The following BBS7 variants were observed in gnomAD, a reference collection of about 807,000 sequenced individuals.
BBS7 encodes BBSome complex member BBS7.
In BBS7, 50 loss-of-function variants were observed where a neutral mutation model predicts 90.3. That is an observed-to-expected ratio of 0.55 (90% CI 0.44 to 0.70). The LOEUF (loss-of-function observed/expected upper bound fraction) is 0.70. BBS7 is among the 30% of genes least tolerant of loss of function. BBS7 has a pLI of 0.00. For missense variants in BBS7, 729 were observed against 838.9 expected (o/e 0.87, Z 1.62); for synonymous variants, 235 against 287.4 (o/e 0.82, Z 1.85).
rs530476718 is a variant in BBS7, at chr4:121,844,841, A to T, written c.1230+663T>A. Among the ~76,000 whole-genome samples, 31 of 152,272 alleles carry T rather than the reference A, an allele frequency of 2.0e-4. No homozygotes were observed. In the East Asian group the frequency reaches 6.0e-3, roughly 29 times the overall value. On this transcript the variant is annotated intron_variant, in intron 11 of 18. Transcript: ENST00000264499. ...ACTTTAATGTTTGGGGCTTTAAAAA[A>T]AAATGTTCTAGCAAGGGCATTAAAT...
At chr4:121,868,689 A>G (rs1727419417) in intron 1 of BBS7, among the ~76,000 whole-genome samples, 1 of 73,424 alleles carries the variant, frequency 1.4e-5, no homozygotes, top group African/African-American at 4.1e-5. Context: ...TGTTTCAAAA[A>G]AAAAAAAAAA....
chr4:121,846,036 A>AT (rs1725996814), intron 10 of BBS7, among the ~76,000 whole-genome samples: 1 of 152,234 alleles, frequency 6.6e-6, no homozygotes, highest in Middle Eastern at 3.2e-3. Flanking sequence ...TCTTATACTA[A>AT]TGAGAAGAGA....
intron 8 of BBS7, among the ~76,000 whole-genome samples, chr4:121,852,682 G>A (rs1457862358): frequency 6.6e-6 from 1 of 151,778 alleles, no homozygotes; most frequent in Non-Finnish European, 1.5e-5. Flanking sequence ...GTCATTATAT[G>A]TTATAAACTA....
intron 15 of BBS7, among the ~76,000 whole-genome samples, chr4:121,831,066 G>A (rs926499567): frequency 3.3e-5 from 5 of 152,076 alleles, no homozygotes; most frequent in Non-Finnish European, 5.9e-5. Flanking sequence ...TTAGCTGGGC[G>A]TGGTGGCACA....
In BBS7 at chr4:121,852,991, C is replaced by T. The variant is rs1348810042; in HGVS notation, c.814G>A (p.Asp272Asn). Reference protein sequence around the residue: ...DDGMVEVYSFDNANEPVLRFD... With the variant: ...DDGMVEVYSFNNANEPVLRFD... ...CGTAGAACAGGTTCATTTGCATTAT[C>T]AAAACTATACACTTCCACCATTCCG... Residue 272 changes from aspartate to asparagine, a missense_variant, in exon 8 of 19, where the codon GAT (aspartate) becomes AAT (asparagine). Physicochemically the swap from Asp to Asn is conservative, Grantham distance 23. Transcript: ENST00000264499. 6.2e-7 allele frequency: 1 copy of T among 1,613,686 alleles called. No individual in the cohort carries two copies. Among genetic ancestry groups the T allele is most frequent in the Admixed American group, 1.7e-5 (1 of 59,978 alleles).
Position 121,867,976 on chromosome 4 carries a change from A to T in BBS7, c.102+5T>A, listed in dbSNP as rs1333206048. On this transcript the variant is annotated splice_donor_5th_base_variant and intron_variant, in intron 2 of 18. Transcript: ENST00000264499. ...ATAGTGGAGAAATCAGAATCTATAC[A>T]GTACCTTTTGTGTAGCTCTGTGTCT... 1 of 1,609,806 alleles carries T rather than the reference A, an allele frequency of 6.2e-7. No homozygotes were observed. Among genetic ancestry groups the T allele is most frequent in the South Asian group, 1.1e-5 (1 of 90,984 alleles).
chr4:121,828,415 A>AT lies in BBS7; in HGVS notation c.1876dup (p.Ile626AsnfsTer2). On this transcript the variant is annotated frameshift_variant, in exon 17 of 19. Transcript: ENST00000264499. LOFTEE classifies it high-confidence loss of function. ...ACATGTACTTACTTTTAAAGCATCAATTAACTGCACTTTCTTAGCCAAAAG... is the reference window on the plus strand; with the variant it reads ...ACATGTACTTACTTTTAAAGCATCAATTTAACTGCACTTTCTTAGCCAAAAG... 6.2e-7 allele frequency: 1 copy of AT among 1,613,816 alleles called. No individual in the cohort carries two copies. Among genetic ancestry groups the AT allele is most frequent in the Non-Finnish European group, 8.5e-7 (1 of 1,179,764 alleles).
chr4:121,852,950 A>T lies in BBS7; in HGVS notation c.849+6T>A. 6.2e-7 allele frequency: 1 copy of T among 1,613,350 alleles called. No homozygotes were observed. The highest frequency in any genetic ancestry group is 8.5e-7 in the Non-Finnish European group (1 of 1,179,490). ...ATAAGCATATAGTCTTTTTTAATGA[A>T]CTTACCTGATCAAATCGTAGAACAG... On this transcript the variant is annotated splice_donor_region_variant and intron_variant, in intron 8 of 18. Transcript: ENST00000264499.
Position 121,825,663 on chromosome 4 carries a change from AAG to A in BBS7, c.*195_*196del, listed in dbSNP as rs1375475989. 36 of 485,540 alleles carry A rather than the reference AAG, an allele frequency of 7.4e-5. No homozygotes were observed. Among genetic ancestry groups the A allele is most frequent in the African/African-American group, 5.9e-4 (30 of 50,574 alleles). 30.1% of individuals were successfully genotyped at this position (485,540 alleles called of 1,614,324 possible). ...ATTCTACTTGTGTTTTAAAAATAAA[AAG>A]ACTCTTTTAGTTTTAGAAAGTTCAA... is the stretch of plus-strand genomic sequence containing the variant. On this transcript the variant is annotated 3_prime_UTR_variant, in exon 19 of 19. Transcript: ENST00000264499.
At chr4:121,826,027 ATTAG>A in intron 18 of BBS7, 34 bp from the exon 19 acceptor site, 1 of 1,526,480 alleles carries the variant, frequency 6.6e-7, no homozygotes, top group Non-Finnish European at 9.0e-7. Context: ...CCTGTCAGTG[ATTAG>A]TTATATTTAA....
intron 2 of BBS7, among the ~76,000 whole-genome samples, chr4:121,866,179 A>G (rs1727262527): frequency 6.7e-6 from 1 of 149,970 alleles, no homozygotes; most frequent in South Asian, 2.1e-4. Context: ...TTGTCTTTTC[A>G]CTCTTGTTGA....
intron 15 of BBS7, among the ~76,000 whole-genome samples, chr4:121,832,355 CA>C (rs1408818687): frequency 1.3e-5 from 2 of 151,620 alleles, no homozygotes; most frequent in Non-Finnish European, 2.9e-5. Context: ...GCAACAACAA[CA>C]AAAAAACAAA....
intron 4 of BBS7, 98 bp downstream of exon 4, chr4:121,861,406 C>T (rs557626262): frequency 2.7e-6 from 3 of 1,113,866 alleles, no homozygotes; most frequent in Admixed American, 2.5e-5. Flanking sequence ...ATTTTATTTT[C>T]CAGAAAGCCT....
In BBS7 at chr4:121,828,160, A is replaced by G. The variant is rs1334998246; in HGVS notation, c.2000T>C (p.Leu667Pro). Reference sequence around the variant, plus strand: ...GGTCCACTAACCATAGAGTCTTTCAAGATGTGCAGGTTGCTTTTTGTATTC... The same window carrying G: ...GGTCCACTAACCATAGAGTCTTTCAGGATGTGCAGGTTGCTTTTTGTATTC... ...QEEYKKQPAH[L>P]ERLYGMITDL... The change falls in exon 18 of 19, where the codon CTT becomes CCT. Residue 667 changes from leucine (L) to proline (P), a missense_variant. Coordinates refer to ENST00000264499, the MANE Select transcript of BBS7 (RefSeq NM_176824.3). The G allele has an allele frequency of 6.2e-7, 1 of 1,613,872 alleles. No homozygotes were observed. Among genetic ancestry groups the G allele is most frequent in the Non-Finnish European group, 8.5e-7 (1 of 1,179,866 alleles).
chr4:121,858,848 A>C, intron 5 of BBS7, 144 bp downstream of exon 5: 1 of 766,458 alleles, frequency 1.3e-6, no homozygotes, highest in Non-Finnish European at 2.0e-6. Flanking sequence ...TAAAAAAATT[A>C]ATATGTCAAA....
intron 8 of BBS7, among the ~76,000 whole-genome samples, chr4:121,849,270 A>G (rs923504220): frequency 3.3e-5 from 5 of 152,214 alleles, no homozygotes; most frequent in Admixed American, 6.5e-5. Context: ...GTGCAATCAC[A>G]GCTCACTGCA....
intron 5 of BBS7, among the ~76,000 whole-genome samples, chr4:121,855,956 A>ATG (rs1560661582): frequency 8.4e-5 from 1 of 11,942 alleles, no homozygotes; most frequent in Non-Finnish European, 1.4e-4. Flanking sequence ...GTACATATAT[A>ATG]TGTGTGTATA....
intron 2 of BBS7, among the ~76,000 whole-genome samples, chr4:121,865,576 T>C (rs1727222678): frequency 6.6e-6 from 1 of 152,246 alleles, no homozygotes; most frequent in Admixed American, 6.5e-5. Flanking sequence ...TAGTATTCCA[T>C]TGTGTATATA....
At chr4:121,826,985 A>AAAAC (rs535130242) in intron 18 of BBS7, among the ~76,000 whole-genome samples, 23 of 152,334 alleles carry the variant, frequency 1.5e-4, no homozygotes, top group East Asian at 9.6e-4. Flanking sequence ...TCTGTCTCAA[A>AAAAC]AAACAAACAA....
Sources: gnomAD v4.1 joint callset for allele counts (sites outside exome capture counted in the v4.1 genomes callset) on GRCh38, gnomAD v4.1.1 for gene constraint, MANE v1.5 for transcripts, NCBI Gene and HGNC (gene_info 2026-07-23, HGNC 2026-07-21) for gene names.